The following DOCK10 variants were observed in gnomAD, a reference collection of about 807,000 sequenced individuals.
DOCK10 encodes dedicator of cytokinesis protein 10.
DOCK10 carries 145 observed loss-of-function variants against 280.1 expected under a neutral mutation model. The observed-to-expected ratio is 0.52, with a 90% CI of 0.45 to 0.59. The LOEUF is 0.59. Ranked by LOEUF, DOCK10 falls within the 20% of genes least tolerant of loss-of-function variation. The pLI, the probability that DOCK10 is intolerant of heterozygous loss-of-function variation, is 0.00. For missense variants in DOCK10, 2,368 were observed against 2,651.7 expected (o/e 0.89, Z 2.35); for synonymous variants, 915 against 942.2 (o/e 0.97, Z 0.53).
At chr2:224,777,444 G>C (rs1253470747) in intron 51 of DOCK10, among the ~76,000 whole-genome samples, 6 of 152,196 alleles carry the variant, frequency 3.9e-5, no homozygotes, top group Non-Finnish European at 8.8e-5. Flanking sequence ...AATGTGGAAG[G>C]ATTAGACTGG....
At chr2:224,925,673 G>A (rs1025902900) in intron 2 of DOCK10, among the ~76,000 whole-genome samples, 1 of 152,196 alleles carries the variant, frequency 6.6e-6, no homozygotes, top group African/African-American at 2.4e-5. Context: ...CAAAATTGAA[G>A]TATAGTTGAT....
intron 7 of DOCK10, among the ~76,000 whole-genome samples, chr2:224,879,842 G>A (rs1158939197): frequency 1.3e-5 from 2 of 152,034 alleles, no homozygotes; most frequent in African/African-American, 4.8e-5. Context: ...CACAACTTTT[G>A]CAAGGACATT....
chr2:224,800,086 C>A, intron 41 of DOCK10, 65 bp downstream of exon 41: 3 of 945,632 alleles, frequency 3.2e-6, no homozygotes, highest in Non-Finnish European at 4.8e-6. Flanking sequence ...ATGTTTTTGA[C>A]TTCACATGGT....
At chr2:224,910,425 C>T (rs370108485) in intron 3 of DOCK10, among the ~76,000 whole-genome samples, 1 of 152,142 alleles carries the variant, frequency 6.6e-6, no homozygotes, top group Non-Finnish European at 1.5e-5. Flanking sequence ...CAGTTAGCAT[C>T]GCAGTTAGGA....
intron 27 of DOCK10, among the ~76,000 whole-genome samples, chr2:224,824,094 C>A (rs1694687388): frequency 6.6e-6 from 1 of 152,014 alleles, no homozygotes; most frequent in Non-Finnish European, 1.5e-5. Context: ...GATTTTTTTA[C>A]AACTAGGAAT....
intron 48 of DOCK10, among the ~76,000 whole-genome samples, chr2:224,788,207 A>T (rs1052130040): frequency 1.3e-5 from 2 of 152,080 alleles, no homozygotes; most frequent in East Asian, 3.9e-4. Flanking sequence ...CTTTCTCAAG[A>T]TCCTAAATTC....
intron 11 of DOCK10, 44 bp from the exon 12 acceptor site, chr2:224,865,131 T>G: frequency 6.4e-7 from 1 of 1,574,292 alleles, no homozygotes; most frequent in Non-Finnish European, 8.7e-7. Flanking sequence ...ATAAAATCAT[T>G]ATCCATGAGA....
At chr2:224,967,766 A>G (rs1704860056) in intron 1 of DOCK10, among the ~76,000 whole-genome samples, 1 of 151,522 alleles carries the variant, frequency 6.6e-6, no homozygotes, top group East Asian at 1.9e-4. Flanking sequence ...AGTTGTTAAT[A>G]ATGGTTTTCT....
At chr2:224,858,083 T>C (rs1412188880) in intron 14 of DOCK10, among the ~76,000 whole-genome samples, 1 of 152,184 alleles carries the variant, frequency 6.6e-6, no homozygotes, top group Non-Finnish European at 1.5e-5. Flanking sequence ...TTTATTTAAA[T>C]ATTATAAAGG....
chr2:224,892,976 G>T (rs1252157622), intron 4 of DOCK10, among the ~76,000 whole-genome samples: 1 of 152,154 alleles, frequency 6.6e-6, no homozygotes, highest in African/African-American at 2.4e-5. Flanking sequence ...CTTCCCCCAG[G>T]ACCATTGCGT....
At position 224,797,032 on chromosome 2, in the gene DOCK10, G is replaced by T. The variant is rs1692627562; in HGVS notation, c.4759C>A (p.Leu1587Met). ...AAATTCTTCCTCATGAAAAAGTACA[G>T]AAGGGCTGAGGCTTCTGTCTGAGTT... is the stretch of plus-strand genomic sequence containing the variant. ...RSTQTEASALLYFFMRKNFEF... is the reference protein window; with the variant it reads ...RSTQTEASALMYFFMRKNFEF... Residue 1587 changes from leucine (L) to methionine (M), a missense_variant, in exon 43 of 56, where the codon CTG becomes ATG. By Grantham distance (15) the Leu-to-Met change is conservative. Transcript: ENST00000258390. 1.2e-6 allele frequency: 2 copies of T among 1,613,704 alleles called. No individual in the cohort carries two copies. Among genetic ancestry groups the T allele is most frequent in the South Asian group, 2.2e-5 (2 of 91,038 alleles).
At chr2:225,016,333 T>C (rs1368496671) in intron 1 of DOCK10, among the ~76,000 whole-genome samples, 1 of 152,002 alleles carries the variant, frequency 6.6e-6, no homozygotes, top group Non-Finnish European at 1.5e-5. Context: ...AAGTGTCACT[T>C]TTAATAATGT....
intron 1 of DOCK10, among the ~76,000 whole-genome samples, chr2:225,041,838 G>A (rs62188041): frequency 0.24 from 36,279 of 152,068 alleles, 4,796 homozygotes; most frequent in Non-Finnish European, 0.27. Context: ...AGGGTGAGAG[G>A]GACGCGCAGA....
At chr2:225,003,421 A>G (rs1275772865) in intron 1 of DOCK10, among the ~76,000 whole-genome samples, 3 of 152,152 alleles carry the variant, frequency 2.0e-5, no homozygotes, top group Admixed American at 2.0e-4. Flanking sequence ...GTGGTGTGGG[A>G]CCTTTTATGA....
At chr2:224,841,961 A>G in intron 22 of DOCK10, 65 bp from the exon 23 acceptor site, 1 of 1,166,890 alleles carries the variant, frequency 8.6e-7, no homozygotes, top group Non-Finnish European at 1.3e-6. Context: ...AACACAAACC[A>G]CTGTGATGTG....
intron 1 of DOCK10, among the ~76,000 whole-genome samples, chr2:225,019,445 C>CTT (rs11399371): frequency 0.068 from 9,454 of 139,666 alleles, 957 homozygotes; most frequent in African/African-American, 0.22. Flanking sequence ...GTGGTTTAAT[C>CTT]TTTTTTTTTT....
intron 1 of DOCK10, among the ~76,000 whole-genome samples, chr2:224,975,368 T>C (rs905812936): frequency 6.6e-6 from 1 of 152,190 alleles, no homozygotes; most frequent in Non-Finnish European, 1.5e-5. Flanking sequence ...CCATTTATGG[T>C]AGACTGTTTA....
intron 1 of DOCK10, among the ~76,000 whole-genome samples, chr2:224,965,039 T>G (rs1270567311): frequency 1.3e-5 from 2 of 152,228 alleles, no homozygotes; most frequent in Non-Finnish European, 2.9e-5. Flanking sequence ...ATTCTTTTGG[T>G]AGAAGTCAAG....
At chr2:224,830,634 C>A in intron 26 of DOCK10, 22 bp from the exon 27 acceptor site, 2 of 1,461,072 alleles carry the variant, frequency 1.4e-6, no homozygotes, top group Non-Finnish European at 1.8e-6. Context: ...AAAAAGGCAA[C>A]GAGACATTTA....
Sources: allele counts gnomAD v4.1 joint callset (sites outside exome capture counted in the v4.1 genomes callset), GRCh38; gene constraint gnomAD v4.1.1; transcripts MANE v1.5; gene names NCBI Gene and HGNC (gene_info 2026-07-23, HGNC 2026-07-21).